KLHL1: variants seen among roughly 807,000 people sequenced by gnomAD.
The protein encoded by KLHL1 is kelch-like protein 1.
Under a neutral mutation model 77.7 loss-of-function variants are expected in KLHL1, and 47 were observed. The ratio of observed to expected loss-of-function variants is 0.60; its 90% CI spans 0.48 to 0.77. The LOEUF is 0.77. KLHL1 is among the 30% of genes least tolerant of loss of function. The pLI is 0.00. For missense variants in KLHL1, 925 were observed against 910.8 expected, an observed-to-expected ratio of 1.02 and a Z score of -0.20; for synonymous variants, 360 against 325.2, an observed-to-expected ratio of 1.11 and a Z score of -1.15.
Position 69,966,180 on chromosome 13 carries a change from C to T in KLHL1, c.681-4736G>A, listed in dbSNP as rs116264217. 5.6e-3 allele frequency among the ~76,000 whole-genome samples: 855 copies of T among 152,250 alleles called. 8 individuals are homozygous for T. Among genetic ancestry groups the T allele is most frequent in the African/African-American group, 0.019 (804 of 41,552 alleles). ...ACCATATATATAAAGAAGATGTCAT[C>T]TAGGATTTTCATAGTTAGAGAGAAG... is the stretch of plus-strand genomic sequence containing the variant. On this transcript the variant is annotated intron_variant, in intron 2 of 10. Transcript: ENST00000377844.
Position 69,812,253 on chromosome 13 carries a change from C to T in KLHL1, c.1415-15291G>A, listed in dbSNP as rs1877914498. On this transcript the variant is annotated intron_variant, in intron 6 of 10. Coordinates refer to ENST00000377844, the MANE Select transcript of KLHL1 (RefSeq NM_020866.3). ...AATCCTGAGTTCTAATTTGATTGCA[C>T]TGTGGTCTGAGAGACAGTTTGTTAT... Among the ~76,000 whole-genome samples, 3 of 152,098 alleles carry T rather than the reference C, an allele frequency of 2.0e-5. 1 individual carries two copies. In the South Asian group the frequency reaches 6.2e-4, roughly 32 times the overall value.
chr13:70,098,204 CA>C lies in KLHL1; in HGVS notation c.497+8998del, dbSNP rs546261455. Among the ~76,000 whole-genome samples, 1,090 of 151,874 alleles carry C rather than the reference CA, an allele frequency of 7.2e-3. 5 individuals are homozygous for C. The highest frequency in any genetic ancestry group is 0.012 in the Non-Finnish European group (828 of 67,778). On this transcript the variant is annotated intron_variant, in intron 1 of 10. Coordinates refer to ENST00000377844, the MANE Select transcript of KLHL1 (RefSeq NM_020866.3). The stretch of plus-strand genomic sequence containing the variant: ...TTCAGATACTCTTCTATGATTATCT[CA>C]ATAAATATTCAGGTGAGGTAAGTAA...
intron 4 of KLHL1, among the ~76,000 whole-genome samples, chr13:69,883,441 C>T (rs973881103): frequency 1.3e-5 from 2 of 152,182 alleles, no homozygotes; most frequent in Non-Finnish European, 2.9e-5. Flanking sequence ...TTACCTATTA[C>T]ATATGGCTCC....
intron 6 of KLHL1, among the ~76,000 whole-genome samples, chr13:69,798,100 A>G (rs944276385): frequency 2.9e-5 from 4 of 139,676 alleles, no homozygotes; most frequent in South Asian, 4.4e-4. Context: ...TGTTTATAAG[A>G]TAATATAAGC....
intron 7 of KLHL1, among the ~76,000 whole-genome samples, chr13:69,742,347 T>C (rs1372600729): frequency 6.6e-6 from 1 of 152,150 alleles, no homozygotes; most frequent in Non-Finnish European, 1.5e-5. Context: ...CTTTTAAATA[T>C]ATTCCGGAAA....
intron 1 of KLHL1, among the ~76,000 whole-genome samples, chr13:70,008,423 T>G (rs775385423): frequency 1.3e-5 from 2 of 152,106 alleles, no homozygotes; most frequent in Non-Finnish European, 2.9e-5. Context: ...CATATAAGTG[T>G]GTATGTATCT....
At position 69,902,902 on chromosome 13, in the gene KLHL1, T is replaced by A. The variant is rs974860513; in HGVS notation, c.1015-20407A>T. On this transcript the variant is annotated intron_variant, in intron 4 of 10. Transcript: ENST00000377844. ...CACATGTACCCTAAAACTTAAAGTA[T>A]AATAAAAAATAAATAAATAGATAAT... Among the ~76,000 whole-genome samples, 40 of 151,030 alleles carry A rather than the reference T, an allele frequency of 2.6e-4. 1 individual carries two copies. The highest frequency in any genetic ancestry group is 7.4e-5 in the Non-Finnish European group (5 of 67,756).
In KLHL1 at chr13:69,735,270, T is replaced by C. The variant is rs369997464; in HGVS notation, c.1802+5124A>G. Among the ~76,000 whole-genome samples the C allele has an allele frequency of 1.2e-4, 18 of 151,688 alleles. No individual in the cohort carries two copies. In the East Asian group the frequency reaches 2.1e-3, roughly 18 times the overall value. ...TATATGTATCTCAAATAACAACTGA[T>C]ATCAGAGACTATAAAGCACTATAAA... On this transcript the variant is annotated intron_variant, in intron 8 of 10. Coordinates refer to ENST00000377844, the MANE Select transcript of KLHL1 (RefSeq NM_020866.3).
chr13:69,853,797 T>C (rs896474386), intron 5 of KLHL1, among the ~76,000 whole-genome samples: 2 of 152,054 alleles, frequency 1.3e-5, no homozygotes, highest in African/African-American at 4.8e-5. Context: ...TTTTGTTTTG[T>C]TTCATTTTTG....
intron 5 of KLHL1, among the ~76,000 whole-genome samples, chr13:69,878,243 T>G (rs986128701): frequency 6.9e-6 from 1 of 145,452 alleles, no homozygotes; most frequent in Non-Finnish European, 1.5e-5. Flanking sequence ...GAAACATCTG[T>G]TTTTTTTTAT....
intron 5 of KLHL1, among the ~76,000 whole-genome samples, chr13:69,857,176 C>T (rs894650235): frequency 6.6e-6 from 1 of 152,022 alleles, no homozygotes; most frequent in Non-Finnish European, 1.5e-5. Flanking sequence ...AATAATTTGA[C>T]TATGACATGT....
chr13:70,082,327 A>T (rs1001448220), intron 1 of KLHL1, among the ~76,000 whole-genome samples: 14 of 139,652 alleles, frequency 1.0e-4, no homozygotes, highest in African/African-American at 2.9e-4. Context: ...ACACACACAC[A>T]CACACACACA....
chr13:70,023,146 A>C (rs1383026633), intron 1 of KLHL1, among the ~76,000 whole-genome samples: 1 of 151,978 alleles, frequency 6.6e-6, no homozygotes, highest in Non-Finnish European at 1.5e-5. Flanking sequence ...AGATAACATT[A>C]TCACCAGGTT....
chr13:69,897,267 T>C (rs1881680315), intron 4 of KLHL1, among the ~76,000 whole-genome samples: 1 of 152,136 alleles, frequency 6.6e-6, no homozygotes, highest in African/African-American at 2.4e-5. Context: ...CAAAAGATGC[T>C]CTAAAAAAGC....
At chr13:70,069,797 A>ATGGTTTCATCAATTGTAATAAGTG (rs1305573792) in intron 1 of KLHL1, among the ~76,000 whole-genome samples, 1 of 151,558 alleles carries the variant, frequency 6.6e-6, no homozygotes, top group African/African-American at 2.4e-5. Flanking sequence ...TTTAAAAAAT[A>ATGGTTTCATCAATTGTAATAAGTG]TAAAATCCAA....
intron 1 of KLHL1, among the ~76,000 whole-genome samples, chr13:70,066,303 C>T (rs1306739787): frequency 6.6e-6 from 1 of 152,130 alleles, no homozygotes; most frequent in Non-Finnish European, 1.5e-5. Context: ...GAGAGATTTA[C>T]TTTTTTAAAA....
chr13:70,017,910 A>C lies in KLHL1; in HGVS notation c.498-42108T>G, dbSNP rs1180546514. 3.9e-5 allele frequency among the ~76,000 whole-genome samples: 6 copies of C among 152,310 alleles called. No homozygotes were observed. In the East Asian group the frequency reaches 1.2e-3, roughly 29 times the overall value. ...TATCAAACAAGTCTTATCCAATACT[A>C]TTAACTTTGTATTTAAATAAGAGTG... On this transcript the variant is annotated intron_variant, in intron 1 of 10. Coordinates refer to ENST00000377844, the MANE Select transcript of KLHL1 (RefSeq NM_020866.3).
chr13:69,881,715 C>G (rs999594398), intron 5 of KLHL1, among the ~76,000 whole-genome samples: 1 of 152,104 alleles, frequency 6.6e-6, no homozygotes, highest in African/African-American at 2.4e-5. Flanking sequence ...GTTAAGTTGG[C>G]TCACTTGGTG....
chr13:69,777,014 T>A (rs1007129528), intron 7 of KLHL1, among the ~76,000 whole-genome samples: 10 of 151,198 alleles, frequency 6.6e-5, no homozygotes, highest in African/African-American at 2.4e-4. Context: ...AATCCCCACG[T>A]GTCATGGGTG....
Sources: allele counts gnomAD v4.1 joint callset (sites outside exome capture counted in the v4.1 genomes callset), GRCh38; gene constraint gnomAD v4.1.1; transcripts MANE v1.5; gene names NCBI Gene and HGNC (gene_info 2026-07-23, HGNC 2026-07-21).